TTLL5: variants seen among roughly 807,000 people sequenced by gnomAD.
TTLL5 encodes the protein tubulin tyrosine ligase like 5.
In TTLL5, 132 loss-of-function variants were observed where a neutral mutation model predicts 168.4. The ratio of observed to expected loss-of-function variants is 0.78; its 90% CI spans 0.68 to 0.91. TTLL5 has a LOEUF of 0.91. TTLL5 is among the 40% of genes least tolerant of loss of function. The pLI, the probability that TTLL5 is intolerant of heterozygous loss-of-function variation, is 0.00. For missense variants in TTLL5, 1,545 were observed against 1,581.5 expected (o/e 0.98, Z 0.39); for synonymous variants, 546 against 558.6 (o/e 0.98, Z 0.32).
chr14:75,725,364 C>T (rs1888127518), intron 12 of TTLL5, among the ~76,000 whole-genome samples: 1 of 152,070 alleles, frequency 6.6e-6, no homozygotes. Flanking sequence ...ATCATATGCT[C>T]CTGTTTAGAT....
intron 28 of TTLL5, among the ~76,000 whole-genome samples, chr14:75,854,465 A>G (rs1338960865): frequency 1.3e-5 from 2 of 152,262 alleles, no homozygotes; most frequent in Non-Finnish European, 2.9e-5. Flanking sequence ...CTATGAATAC[A>G]AATTCAGTGA....
chr14:75,884,636 G>A (rs1157256209), intron 30 of TTLL5, among the ~76,000 whole-genome samples: 1 of 152,192 alleles, frequency 6.6e-6, no homozygotes, highest in Non-Finnish European at 1.5e-5. Flanking sequence ...GGCATGCTGT[G>A]AGGCGTTGTT....
At chr14:75,796,125 T>C (rs1421966245) in intron 27 of TTLL5, among the ~76,000 whole-genome samples, 1 of 152,248 alleles carries the variant, frequency 6.6e-6, no homozygotes, top group Non-Finnish European at 1.5e-5. Context: ...ATAGCCATTC[T>C]TGCAGGAGTA....
Position 75,752,969 on chromosome 14 carries a change from A to G in TTLL5, c.1550+14A>G. On this transcript the variant is annotated intron_variant, in intron 18 of 31. Coordinates refer to ENST00000298832, the MANE Select transcript of TTLL5 (RefSeq NM_015072.5). ...CTTCCAGGACAGGTAGAGATTTGCT[A>G]AACTTTAAATTTAGGACTAGATCAC... 1.2e-6 allele frequency: 2 copies of G among 1,610,790 alleles called. No homozygotes were observed. The highest frequency in any genetic ancestry group is 8.5e-7 in the Non-Finnish European group (1 of 1,177,576).
At chr14:75,740,288 A>C (rs1002397526) in intron 15 of TTLL5, among the ~76,000 whole-genome samples, 1 of 152,166 alleles carries the variant, frequency 6.6e-6, no homozygotes, top group South Asian at 2.1e-4. Flanking sequence ...TCATAAGCCC[A>C]TTATCCTCTA....
chr14:75,902,254 G>C (rs758746502), intron 31 of TTLL5, 30 bp downstream of exon 31: 2 of 1,609,580 alleles, frequency 1.2e-6, no homozygotes, highest in East Asian at 2.2e-5. Context: ...TCTGCAACTG[G>C]ATAGATGACA....
In TTLL5 at chr14:75,681,644, T is replaced by C. The variant is rs779003256; in HGVS notation, c.264+17T>C. The C allele has an allele frequency of 6.2e-7, 1 of 1,606,040 alleles. No homozygotes were observed. Among genetic ancestry groups the C allele is most frequent in the South Asian group, 1.1e-5 (1 of 90,970 alleles). On this transcript the variant is annotated intron_variant, in intron 4 of 31. Transcript: ENST00000298832. ...TTTCATGAAGTAAGTTTATTTTTAA[T>C]ACCTCACCTGATCTGCTCATAAGCT...
intron 6 of TTLL5, among the ~76,000 whole-genome samples, chr14:75,693,670 G>A (rs895475258): frequency 5.3e-5 from 8 of 152,218 alleles, no homozygotes; most frequent in Non-Finnish European, 7.3e-5. Flanking sequence ...CCCTCAAGGG[G>A]ACAGCTTTCT....
At chr14:75,817,830 C>CTTTTTTTTTTTTTTTTTTTTTT (rs1045988787) in intron 27 of TTLL5, among the ~76,000 whole-genome samples, 15 of 83,870 alleles carry the variant, frequency 1.8e-4, no homozygotes, top group African/African-American at 4.6e-4. Context: ...CTTTTCTTTT[C>CTTTTTTTTTTTTTTTTTTTTTT]TTTTTTTTTT....
chr14:75,722,421 A>C (rs368561227), intron 12 of TTLL5, among the ~76,000 whole-genome samples: 1 of 152,126 alleles, frequency 6.6e-6, no homozygotes, highest in East Asian at 1.9e-4. Flanking sequence ...AATTGTTTAA[A>C]AAACTTTTTG....
At chr14:75,787,030 G>C (rs1443403089) in intron 26 of TTLL5, among the ~76,000 whole-genome samples, 1 of 152,098 alleles carries the variant, frequency 6.6e-6, no homozygotes, top group Non-Finnish European at 1.5e-5. Context: ...CTACTCAGGA[G>C]GTTGAGGCAA....
chr14:75,709,178 G>T, intron 9 of TTLL5: 2 of 761,236 alleles, frequency 2.6e-6, no homozygotes, highest in Non-Finnish European at 4.8e-6. Flanking sequence ...CTGTATTTTA[G>T]AAAATGCAAT....
intron 26 of TTLL5, among the ~76,000 whole-genome samples, chr14:75,786,983 A>C (rs1363087775): frequency 6.6e-6 from 1 of 152,082 alleles, no homozygotes; most frequent in Non-Finnish European, 1.5e-5. Flanking sequence ...AAATACAAAA[A>C]TTAGCCAGGC....
intron 29 of TTLL5, among the ~76,000 whole-genome samples, chr14:75,878,199 G>C (rs1385826839): frequency 6.6e-6 from 1 of 152,178 alleles, no homozygotes; most frequent in Non-Finnish European, 1.5e-5. Context: ...ATTATTTCTA[G>C]TATCAGTTAA....
intron 24 of TTLL5, among the ~76,000 whole-genome samples, chr14:75,781,982 C>T (rs1435572687): frequency 7.4e-6 from 1 of 134,828 alleles, no homozygotes; most frequent in Admixed American, 7.5e-5. Context: ...AAAAAAAAAG[C>T]TGAGGAGTTT....
intron 21 of TTLL5, among the ~76,000 whole-genome samples, chr14:75,775,088 G>A (rs1891640762): frequency 6.9e-6 from 1 of 144,798 alleles, no homozygotes; most frequent in Non-Finnish European, 1.5e-5. Flanking sequence ...GAATATTTCT[G>A]TATTCTCTGT....
chr14:75,662,580 C>A (rs975467614), intron 1 of TTLL5, among the ~76,000 whole-genome samples: 1 of 151,096 alleles, frequency 6.6e-6, no homozygotes, highest in African/African-American at 2.4e-5. Flanking sequence ...CTCAGGTGAT[C>A]CGCCCGCCTT....
intron 28 of TTLL5, among the ~76,000 whole-genome samples, chr14:75,848,121 G>T (rs1896653740): frequency 6.6e-6 from 1 of 151,978 alleles, no homozygotes; most frequent in African/African-American, 2.4e-5. Flanking sequence ...GCCAACTGAA[G>T]GAAGGGGGCA....
At chr14:75,732,220 G>T in intron 12 of TTLL5, 118 bp from the exon 13 acceptor site, 1 of 682,606 alleles carries the variant, frequency 1.5e-6, no homozygotes, top group Non-Finnish European at 2.4e-6. Flanking sequence ...ACTTCCACTT[G>T]CTACTTACAC....
Sources: allele counts gnomAD v4.1 joint callset (sites outside exome capture counted in the v4.1 genomes callset), GRCh38; gene constraint gnomAD v4.1.1; transcripts MANE v1.5; gene names NCBI Gene and HGNC (gene_info 2026-07-23, HGNC 2026-07-21).